SYT1: variants seen among roughly 807,000 people sequenced by gnomAD.
The protein encoded by SYT1 is synaptotagmin-1.
In SYT1, 8 loss-of-function variants were observed where a neutral mutation model predicts 44.8. The ratio of observed to expected loss-of-function variants is 0.18; its 90% CI spans 0.10 to 0.32. SYT1 has a LOEUF of 0.32. Ranked by LOEUF, SYT1 falls within the 10% of genes least tolerant of loss-of-function variation. The probability of loss-of-function intolerance (pLI) is 1.00; values close to 1 mark genes in which losing one functional copy is unlikely to be tolerated. For synonymous variants in SYT1, 154 were observed against 188.8 expected (o/e 0.82, Z 1.51); for missense variants, 286 against 509.3 (o/e 0.56, Z 4.22).
At chr12:79,167,892 T>C (rs1871307350) in intron 3 of SYT1, among the ~76,000 whole-genome samples, 1 of 151,920 alleles carries the variant, frequency 6.6e-6, no homozygotes, top group Admixed American at 6.6e-5. Flanking sequence ...TAGATTCTCA[T>C]AAGGAGCGTA....
intron 3 of SYT1, among the ~76,000 whole-genome samples, chr12:79,093,066 AAC>A: frequency 6.6e-6 from 1 of 151,872 alleles, no homozygotes; most frequent in East Asian, 1.9e-4. Context: ...ACATGTGAAT[AAC>A]ACATGTATAA....
chr12:79,226,013 G>A (rs1875496669), intron 4 of SYT1, among the ~76,000 whole-genome samples: 2 of 152,152 alleles, frequency 1.3e-5, no homozygotes, highest in Non-Finnish European at 2.9e-5. Context: ...AAGGCAATAT[G>A]TTGGGTCTGT....
chr12:78,940,431 C>T (rs1878287149), intron 1 of SYT1, among the ~76,000 whole-genome samples: 1 of 152,138 alleles, frequency 6.6e-6, no homozygotes, highest in Admixed American at 6.6e-5. Flanking sequence ...TGCCTATTGC[C>T]CAGTCTACAG....
intron 3 of SYT1, among the ~76,000 whole-genome samples, chr12:79,165,444 A>G (rs1312133452): frequency 2.0e-5 from 3 of 151,926 alleles, no homozygotes; most frequent in Admixed American, 1.3e-4. Flanking sequence ...TGTATTCCAA[A>G]ATTATAATGT....
rs112843586 is a variant in SYT1, at chr12:79,025,701, T to C, written c.-83-21596T>C. ...TATGTATATAGGCTCTGTATTTTGTTCTTCAGTACTTGTAATGTATGCATT... is the reference window on the plus strand; with the variant it reads ...TATGTATATAGGCTCTGTATTTTGTCCTTCAGTACTTGTAATGTATGCATT... On this transcript the variant is annotated intron_variant, in intron 2 of 10. Coordinates refer to ENST00000261205, the MANE Select transcript of SYT1 (RefSeq NM_005639.3). 3.3e-3 allele frequency among the ~76,000 whole-genome samples: 502 copies of C among 151,752 alleles called. 4 individuals are homozygous for C. The highest frequency in any genetic ancestry group is 0.01 in the Middle Eastern group (3 of 292).
chr12:79,439,260 A>G (rs969001241), intron 9 of SYT1, among the ~76,000 whole-genome samples: 4 of 152,166 alleles, frequency 2.6e-5, no homozygotes, highest in African/African-American at 9.7e-5. Flanking sequence ...TTAACTTTTC[A>G]GCTGTGTGTA....
At chr12:79,289,860 C>T (rs1879489668) in intron 5 of SYT1, among the ~76,000 whole-genome samples, 1 of 150,428 alleles carries the variant, frequency 6.6e-6, no homozygotes, top group Non-Finnish European at 1.5e-5. Flanking sequence ...AGGGATTCCA[C>T]TGCCTGAAGT....
At chr12:78,883,164 G>A (rs1354275210) in intron 1 of SYT1, among the ~76,000 whole-genome samples, 3 of 151,596 alleles carry the variant, frequency 2.0e-5, no homozygotes, top group Non-Finnish European at 3.0e-5. Flanking sequence ...AAATTATAAT[G>A]TTATAACAGT....
At chr12:78,933,253 T>C (rs147744920) in intron 1 of SYT1, among the ~76,000 whole-genome samples, 47 of 152,258 alleles carry the variant, frequency 3.1e-4, no homozygotes, top group African/African-American at 1.1e-3. Context: ...CCTCAGTGTA[T>C]CAACTTCTGT....
chr12:79,104,496 T>C (rs1878606960), intron 3 of SYT1, among the ~76,000 whole-genome samples: 1 of 152,006 alleles, frequency 6.6e-6, no homozygotes, highest in Non-Finnish European at 1.5e-5. Flanking sequence ...GGGAGATGCA[T>C]AAGTCCTGAT....
chr12:79,302,542 T>C (rs1214139496), intron 8 of SYT1, among the ~76,000 whole-genome samples: 1 of 152,158 alleles, frequency 6.6e-6, no homozygotes, highest in Non-Finnish European at 1.5e-5. Context: ...AAGAGCCTCA[T>C]TTGGAAGTGA....
intron 7 of SYT1, 72 bp downstream of exon 7, chr12:79,296,308 T>C: frequency 6.9e-7 from 1 of 1,442,096 alleles, no homozygotes; most frequent in South Asian, 1.4e-5. Flanking sequence ...TCCTGACACA[T>C]ACATAGACAT....
At chr12:79,034,758 A>G (rs1484699635) in intron 2 of SYT1, among the ~76,000 whole-genome samples, 1 of 151,778 alleles carries the variant, frequency 6.6e-6, no homozygotes, top group African/African-American at 2.4e-5. Context: ...ATAAAGGTCC[A>G]GGATACCTGT....
In SYT1 at chr12:78,876,819, ATATAT is replaced by A. The variant is rs1874140765; in HGVS notation, c.-217+11716_-217+11720del. ...TAATATATTATATGTAATACATATC[ATATAT>A]TATATGTATTATATATAATATATAT... On this transcript the variant is annotated intron_variant, in intron 1 of 10. Transcript: ENST00000261205. Among the ~76,000 whole-genome samples, 2 of 60,444 alleles carry A rather than the reference ATATAT, an allele frequency of 3.3e-5. 1 individual carries two copies. Among genetic ancestry groups the A allele is most frequent in the African/African-American group, 1.4e-4 (2 of 13,928 alleles). The allele number at this position is 60,444 out of a possible 152,430, so 39.7% of individuals were successfully genotyped here. A position where few individuals can be genotyped will look rare whatever the true frequency, so the allele number is the denominator to read the frequency against.
chr12:79,417,553 G>A (rs61927383), intron 9 of SYT1, among the ~76,000 whole-genome samples: 20,972 of 152,028 alleles, frequency 0.14, 1,904 homozygotes, highest in Middle Eastern at 0.34. Flanking sequence ...CCTCTCTCCT[G>A]TTTAAAATAT....
chr12:79,308,643 A>G (rs1880596195), intron 8 of SYT1, among the ~76,000 whole-genome samples: 2 of 149,062 alleles, frequency 1.3e-5, no homozygotes, highest in African/African-American at 5.0e-5. Context: ...AAAGAAAGAA[A>G]GAAAGAAAGA....
At position 79,216,032 on chromosome 12, in the gene SYT1, A is replaced by G. The variant is rs1216790322; in HGVS notation, c.-17-1471A>G. On this transcript the variant is annotated intron_variant, in intron 3 of 10. Transcript: ENST00000261205. The stretch of plus-strand genomic sequence containing the variant: ...CTGCAACCTCTGCCTCCCGGGTTCA[A>G]GCTATTCTCCTGCCTCAGCCTCCCG... 2.8e-5 allele frequency among the ~76,000 whole-genome samples: 4 copies of G among 144,952 alleles called. No individual in the cohort carries two copies. In the South Asian group the frequency reaches 6.4e-4, roughly 23 times the overall value.
chr12:78,951,662 C>T (rs974458030), intron 1 of SYT1, among the ~76,000 whole-genome samples: 6 of 152,108 alleles, frequency 3.9e-5, no homozygotes, highest in African/African-American at 1.4e-4. Context: ...GCCTGGTTAA[C>T]AGTAATTTAA....
intron 1 of SYT1, among the ~76,000 whole-genome samples, chr12:78,933,902 CTGTT>C (rs1230585795): frequency 8.0e-6 from 1 of 125,612 alleles, no homozygotes; most frequent in African/African-American, 3.2e-5. Context: ...GTGTGTTTGT[CTGTT>C]TGGTTATTTC....
Sources: allele counts gnomAD v4.1 joint callset (sites outside exome capture counted in the v4.1 genomes callset), GRCh38; gene constraint gnomAD v4.1.1; transcripts MANE v1.5; gene names NCBI Gene and HGNC (gene_info 2026-07-23, HGNC 2026-07-21).